Variants in SALL3 observed in about 807,000 individuals in gnomAD.
SALL3 encodes the protein sal-like protein 3.
SALL3 carries 25 observed loss-of-function variants against 66.2 expected under a neutral mutation model. The observed-to-expected ratio is 0.38, with a 90% CI of 0.28 to 0.53. SALL3 has a LOEUF of 0.53. SALL3 is among the 20% of genes least tolerant of loss of function. SALL3 has a pLI of 0.85. For missense variants in SALL3, 2,194 were observed against 1,916.5 expected, an observed-to-expected ratio of 1.14 and a Z score of -2.70; for synonymous variants, 1,152 against 899.1, an observed-to-expected ratio of 1.28 and a Z score of -5.03.
chr18:78,980,295 C>T lies in SALL3; in HGVS notation c.21C>T (p.Ala7=), dbSNP rs747330713. Residue 7 remains alanine (A), a synonymous_variant, in exon 1 of 3, where the codon GCC becomes GCT. Coordinates refer to ENST00000537592, the MANE Select transcript of SALL3 (RefSeq NM_171999.4). The stretch of plus-strand genomic sequence containing the variant: ...GCAGCATGTCTCGGCGCAAGCAGGC[C>T]AAGCCCCAGCACCTCAAGTCGGACG... The part of the protein sequence containing the change: MSRRKQ[A]KPQHLKSDEE... The T allele has an allele frequency of 2.1e-6, 3 of 1,419,182 alleles. No individual in the cohort carries two copies. Among genetic ancestry groups the T allele is most frequent in the South Asian group, 2.7e-5 (2 of 74,162 alleles). 87.9% of individuals were successfully genotyped at this position (1,419,182 alleles called of 1,614,324 possible). A position where few individuals can be genotyped will look rare whatever the true frequency, so the allele number is the denominator to read the frequency against.
In SALL3 at chr18:78,992,975, G is replaced by T; in HGVS notation, c.984G>T (p.Ala328=). The change falls in exon 2 of 3, where the codon GCG becomes GCT. Residue 328 remains alanine (A), a synonymous_variant. Coordinates refer to ENST00000537592, the MANE Select transcript of SALL3 (RefSeq NM_171999.4). ...PAPAAPAPAP[A]PQSAASSQPQ... is the part of the protein sequence containing the mutation. Reference sequence around the variant, plus strand: ...CCGCTGCCCCCGCCCCGGCGCCAGCGCCGCAGAGCGCAGCCTCGTCGCAGC... The same window carrying T: ...CCGCTGCCCCCGCCCCGGCGCCAGCTCCGCAGAGCGCAGCCTCGTCGCAGC... 2.3e-6 allele frequency: 3 copies of T among 1,326,424 alleles called. No homozygotes were observed. Among genetic ancestry groups the T allele is most frequent in the Non-Finnish European group, 2.9e-6 (3 of 1,044,372 alleles). The allele number at this position is 1,326,424 out of a possible 1,614,324, so 82.2% of individuals were successfully genotyped here.
Position 78,993,541 on chromosome 18 carries a change from C to T in SALL3, c.1550C>T (p.Pro517Leu), listed in dbSNP as rs1197173052. The T allele has an allele frequency of 1.3e-6, 2 of 1,595,372 alleles. No individual in the cohort carries two copies. The highest frequency in any genetic ancestry group is 2.2e-5 in the East Asian group (1 of 44,494). The change falls in exon 2 of 3, where the codon CCC (proline) becomes CTC (leucine). Residue 517 changes from proline to leucine, a missense_variant. Transcript: ENST00000537592. ...KPVTTWLDSK[P>L]VLPTVPTSVG... ...GTGACCACCTGGCTGGACAGCAAGC[C>T]CGTGCTGCCCACCGTGCCCACGTCC...
rs1342856753 is a variant in SALL3 at position 78,992,886 on chromosome 18, GCCAGCACCC to G, written c.898_906del (p.Ser300_Pro302del). 1.0e-6 allele frequency: 1 copy of G among 985,496 alleles called. No individual in the cohort carries two copies. The highest frequency in any genetic ancestry group is 1.2e-6 in the Non-Finnish European group (1 of 831,800). 61.0% of individuals were successfully genotyped at this position (985,496 alleles called of 1,614,324 possible). A position where few individuals can be genotyped will look rare whatever the true frequency, so the allele number is the denominator to read the frequency against. Reference sequence around the variant, plus strand: ...GCCGCTGTCCCGGCCCGAGTCTGGCGCCAGCACCCCCGGCGGCCCTGCGGAGCCCAGCGC... The same window carrying G: ...GCCGCTGTCCCGGCCCGAGTCTGGCGCCGGCGGCCCTGCGGAGCCCAGCGC... On this transcript the variant is annotated inframe_deletion, in exon 2 of 3. Coordinates refer to ENST00000537592, the MANE Select transcript of SALL3 (RefSeq NM_171999.4).
At chr18:78,980,638 G>A (rs1343891450) in intron 1 of SALL3, among the ~76,000 whole-genome samples, 2 of 151,476 alleles carry the variant, frequency 1.3e-5, no homozygotes, top group East Asian at 2.0e-4. Context: ...CCGGCTCGAG[G>A]ACGGCTCGGA....
At chr18:78,996,812 G>C (rs933830302) in intron 2 of SALL3, 79 bp from the exon 3 acceptor site, 9 of 1,429,272 alleles carry the variant, frequency 6.3e-6, no homozygotes, top group East Asian at 2.4e-5. Flanking sequence ...GTGGACCTCT[G>C]TCTGCTGCGC....
In SALL3 at chr18:78,997,017, C is replaced by T; in HGVS notation, c.3598C>T (p.Leu1200=). ...GTTCTCTGAAATGTTCCAGAAGGAC[C>T]TGGCAGCTCGGGCAATGAACGTCGA... ...LKFSEMFQKD[L]AARAMNVDPS... Residue 1200 remains leucine (L), a synonymous_variant, in exon 3 of 3, where the codon CTG becomes TTG. Transcript: ENST00000537592. 4.3e-6 allele frequency: 7 copies of T among 1,614,212 alleles called. No individual in the cohort carries two copies. Among genetic ancestry groups the T allele is most frequent in the Non-Finnish European group, 4.2e-6 (5 of 1,180,058 alleles).
rs1368940868 is a variant in SALL3 at position 78,997,319 on chromosome 18, C to A, written c.3900C>A (p.Asn1300Lys). 10 of 1,611,684 alleles carry A rather than the reference C, an allele frequency of 6.2e-6. No homozygotes were observed. The Admixed American group carries it at 1.2e-4, about 19-fold the overall frequency. ...AGGATAACAAGGAGATTGGTATCAA[C>A]TAGCCAGTGACTCGCTCATCTGCCC... is the stretch of plus-strand genomic sequence containing the variant. ...FIEDNKEIGI[N>K] The change falls in exon 3 of 3, where the codon AAC becomes AAA. Residue 1300 changes from asparagine to lysine, a missense_variant. Coordinates refer to ENST00000537592, the MANE Select transcript of SALL3 (RefSeq NM_171999.4).
chr18:78,987,062 A>T (rs1914270339), intron 1 of SALL3, among the ~76,000 whole-genome samples: 2 of 152,138 alleles, frequency 1.3e-5, no homozygotes, highest in Admixed American at 6.5e-5. Flanking sequence ...TTAAAAAAAA[A>T]ACCTGTTTTA....
rs1312637688 is a variant in SALL3, at chr18:78,994,558, G to A, written c.2567G>A (p.Cys856Tyr). The A allele has an allele frequency of 1.9e-6, 3 of 1,611,668 alleles. No individual in the cohort carries two copies. The Admixed American group carries it at 5.0e-5, about 27-fold the overall frequency. Residue 856 changes from cysteine (C) to tyrosine (Y), a missense_variant, in exon 2 of 3, where the codon TGC (cysteine) becomes TAC (tyrosine). By Grantham distance (194) the Cys-to-Tyr change is radical (BLOSUM62 -2). Transcript: ENST00000537592. ...AAGATGATCGACTCGGTCATGAGCT[G>A]CCAGCAGCTGACCGGCCTCAAGTCC... ...QMKMIDSVMS[C>Y]QQLTGLKSVE...
Position 78,997,543 on chromosome 18 carries a change from CA to C in SALL3, c.*231del, listed in dbSNP as rs554156880. On this transcript the variant is annotated 3_prime_UTR_variant, in exon 3 of 3. Coordinates refer to ENST00000537592, the MANE Select transcript of SALL3 (RefSeq NM_171999.4). The stretch of plus-strand genomic sequence containing the variant: ...TGCAATCTTTTAAATAAGCTTCCTT[CA>C]AAAAAAAAAGTGCTTGGAAAACCGC... The C allele has an allele frequency of 0.011, 4,883 of 436,426 alleles. No homozygotes were observed. Among genetic ancestry groups the C allele is most frequent in the South Asian group, 0.025 (585 of 23,738 alleles). 27.0% of individuals were successfully genotyped at this position (436,426 alleles called of 1,614,324 possible).
At position 78,992,335 on chromosome 18, in the gene SALL3, C is replaced by A; in HGVS notation, c.344C>A (p.Ala115Glu). 1 of 1,426,184 alleles carries A rather than the reference C, an allele frequency of 7.0e-7. No homozygotes were observed. The highest frequency in any genetic ancestry group is 9.1e-7 in the Non-Finnish European group (1 of 1,097,634). The allele number at this position is 1,426,184 out of a possible 1,614,324, so 88.3% of individuals were successfully genotyped here. A position where few individuals can be genotyped will look rare whatever the true frequency, so the allele number is the denominator to read the frequency against. ...GCCGAAAGCGAGGCGGCCGAGGAGG[C>A]GGGTGCGGAGGGCGCGGAGGGCGAG... Reference protein sequence around the residue: ...ERAESEAAEEAGAEGAEGEAR... With the variant: ...ERAESEAAEEEGAEGAEGEAR... Residue 115 changes from alanine to glutamate, a missense_variant, in exon 2 of 3, where the codon GCG (alanine) becomes GAG (glutamate). Transcript: ENST00000537592.
rs895570467 is a variant in SALL3, at chr18:78,992,010, T to G, written c.83-64T>G. 18 of 1,308,110 alleles carry G rather than the reference T, an allele frequency of 1.4e-5. No individual in the cohort carries two copies. The Admixed American group carries it at 5.4e-4, about 39-fold the overall frequency. 81.0% of individuals were successfully genotyped at this position (1,308,110 alleles called of 1,614,324 possible). The stretch of plus-strand genomic sequence containing the variant: ...AAATAAAAAATATTGATTTTACTCG[T>G]GCAAAATTTTGAGACGGAGGGCGGG... On this transcript the variant is annotated intron_variant, in intron 1 of 2. Coordinates refer to ENST00000537592, the MANE Select transcript of SALL3 (RefSeq NM_171999.4).
intron 1 of SALL3, chr18:78,991,720 G>A (rs141499267): frequency 1.9e-5 from 5 of 266,534 alleles, no homozygotes; most frequent in Non-Finnish European, 2.1e-5. Context: ...AATTTTGCTG[G>A]AAATGAGGAA....
rs975351194 is a variant in SALL3, at chr18:78,996,808, CTCTG to C, written c.3472-78_3472-75del. Reference sequence around the variant, plus strand: ...AGTCGCGCTTGGGAGCGGGGTGGACCTCTGTCTGCTGCGCTGGAAGCGGAGCAGC... The same window carrying C: ...AGTCGCGCTTGGGAGCGGGGTGGACCTCTGCTGCGCTGGAAGCGGAGCAGC... On this transcript the variant is annotated intron_variant, in intron 2 of 2. Transcript: ENST00000537592. 8 of 1,411,782 alleles carry C rather than the reference CTCTG, an allele frequency of 5.7e-6. No homozygotes were observed. The African/African-American group carries it at 5.7e-5, about 10-fold the overall frequency. The allele number at this position is 1,411,782 out of a possible 1,614,324, so 87.5% of individuals were successfully genotyped here. A position where few individuals can be genotyped will look rare whatever the true frequency, so the allele number is the denominator to read the frequency against.
chr18:78,987,317 C>T (rs147746930), intron 1 of SALL3, among the ~76,000 whole-genome samples: 118 of 152,238 alleles, frequency 7.8e-4, no homozygotes, highest in African/African-American at 2.8e-3. Flanking sequence ...CCTTTCACAC[C>T]AAGAGTCACT....
At position 78,992,767 on chromosome 18, in the gene SALL3, C is replaced by T. The variant is rs747513627; in HGVS notation, c.776C>T (p.Pro259Leu). 2.3e-5 allele frequency: 24 copies of T among 1,045,562 alleles called. No individual in the cohort carries two copies. In the South Asian group the frequency reaches 7.4e-4, roughly 32 times the overall value. The allele number at this position is 1,045,562 out of a possible 1,614,324, so 64.8% of individuals were successfully genotyped here. A position where few individuals can be genotyped will look rare whatever the true frequency, so the allele number is the denominator to read the frequency against. The change falls in exon 2 of 3, where the codon CCC becomes CTC. Residue 259 changes from proline to leucine, a missense_variant. Coordinates refer to ENST00000537592, the MANE Select transcript of SALL3 (RefSeq NM_171999.4). ...SAPGPAPSQL[P>L]GLAALPLSAG... Reference sequence around the variant, plus strand: ...CCGGGCCCGGCCCCCAGCCAGCTGCCCGGGCTGGCCGCGCTCCCGCTGTCG... The same window carrying T: ...CCGGGCCCGGCCCCCAGCCAGCTGCTCGGGCTGGCCGCGCTCCCGCTGTCG...
In SALL3 at chr18:78,994,736, C is replaced by T. The variant is rs1914619951; in HGVS notation, c.2745C>T (p.Phe915=). 1.2e-6 allele frequency: 2 copies of T among 1,602,942 alleles called. No individual in the cohort carries two copies. The highest frequency in any genetic ancestry group is 2.7e-5 in the African/African-American group (2 of 74,846). ...LSPAPSNGES[F]RSKSPGLGAP... The stretch of plus-strand genomic sequence containing the variant: ...CGGCCCCCAGCAATGGTGAGAGCTT[C>T]CGCTCCAAGTCCCCGGGCCTGGGCG... The change falls in exon 2 of 3, where the codon TTC becomes TTT. Residue 915 remains phenylalanine, a synonymous_variant. Transcript: ENST00000537592.
Position 78,994,138 on chromosome 18 carries a change from TCAC to T in SALL3, c.2153_2155del (p.Thr718del). 1 of 1,612,998 alleles carries T rather than the reference TCAC, an allele frequency of 6.2e-7. No individual in the cohort carries two copies. Among genetic ancestry groups the T allele is most frequent in the Non-Finnish European group, 8.5e-7 (1 of 1,179,970 alleles). On this transcript the variant is annotated inframe_deletion, in exon 2 of 3. Coordinates refer to ENST00000537592, the MANE Select transcript of SALL3 (RefSeq NM_171999.4). ...AAGTGCAAGATCTGCGGCCGCGCCT[TCAC>T]CACCAAGGGCAACCTCAAGACGCAC...
rs750270481 is a variant in SALL3 at position 78,997,189 on chromosome 18, C to T, written c.3770C>T (p.Ala1257Val). Residue 1257 changes from alanine (A) to valine (V), a missense_variant, in exon 3 of 3, where the codon GCC becomes GTC. Ala to Val is a moderately conservative substitution (Grantham distance 64, BLOSUM62 0). Transcript: ENST00000537592. ...GSALPPLGSM[A>V]SGMDKARTGS... ...GCCCTCCCCCCTCTGGGCAGCATGGCCAGTGGGATGGACAAAGCACGCACT... is the reference window on the plus strand; with the variant it reads ...GCCCTCCCCCCTCTGGGCAGCATGGTCAGTGGGATGGACAAAGCACGCACT... 41 of 1,613,884 alleles carry T rather than the reference C, an allele frequency of 2.5e-5. No homozygotes were observed. The highest frequency in any genetic ancestry group is 3.3e-5 in the Non-Finnish European group (39 of 1,180,044).
Sources: gnomAD v4.1 joint callset for allele counts (sites outside exome capture counted in the v4.1 genomes callset) on GRCh38, gnomAD v4.1.1 for gene constraint, MANE v1.5 for transcripts, NCBI Gene and HGNC (gene_info 2026-07-23, HGNC 2026-07-21) for gene names.